The following HYCC2 variants were observed in gnomAD, a reference collection of about 807,000 sequenced individuals.
The protein encoded by HYCC2 is hyccin 2.
At chr2:200,976,452 T>A in the HYCC2 span, 28 of 152,166 alleles carry the variant, frequency 1.8e-4, no homozygotes, top group African/African-American at 6.8e-4. Context: ...ATTTTTTATT[T>A]ACAAATGAAC....
the HYCC2 span, chr2:201,022,009 C>A: frequency 1.7e-6 from 2 of 1,162,132 alleles, no homozygotes; most frequent in Non-Finnish European, 2.3e-6. Context: ...AGTGGTAGGA[C>A]AAAAATGAAG....
chr2:201,049,511 G>A, the HYCC2 span, among the ~76,000 whole-genome samples: 1 of 150,554 alleles, frequency 6.6e-6, no homozygotes. Context: ...CCACCACCCC[G>A]GTTTTTTTTT....
At chr2:201,068,243 C>T in the HYCC2 span, among the ~76,000 whole-genome samples, 3 of 151,570 alleles carry the variant, frequency 2.0e-5, no homozygotes, top group South Asian at 2.1e-4. Flanking sequence ...GCCCAGATCG[C>T]GCCACTGCAC....
chr2:201,021,745 CAG>C, the HYCC2 span: 1 of 228,840 alleles, frequency 4.4e-6, no homozygotes, highest in East Asian at 1.2e-4. Flanking sequence ...AATGTTAAGA[CAG>C]AGCAAAACAA....
At chr2:201,063,502 T>C in the HYCC2 span, 1 of 1,592,170 alleles carries the variant, frequency 6.3e-7, no homozygotes, top group African/African-American at 1.3e-5. Context: ...AAATCATGAC[T>C]GACCGAGGCA....
the HYCC2 span, among the ~76,000 whole-genome samples, chr2:201,025,352 A>C: frequency 5.9e-5 from 9 of 152,200 alleles, no homozygotes; most frequent in Non-Finnish European, 7.3e-5. Flanking sequence ...GAAATATAAT[A>C]ATAAACAAAT....
the HYCC2 span, among the ~76,000 whole-genome samples, chr2:201,045,803 A>C: frequency 6.6e-6 from 1 of 152,152 alleles, no homozygotes; most frequent in Non-Finnish European, 1.5e-5. Context: ...GAAAGTCTGA[A>C]TTTTAATTTC....
At chr2:201,063,738 G>A in the HYCC2 span, 1 of 1,585,434 alleles carries the variant, frequency 6.3e-7, no homozygotes, top group Non-Finnish European at 8.6e-7. Context: ...GACAACTTTG[G>A]TCATGGAAGA....
the HYCC2 span, chr2:200,988,454 C>T: frequency 3.9e-6 from 6 of 1,547,730 alleles, no homozygotes; most frequent in East Asian, 2.3e-5. Context: ...TACAAGTTTA[C>T]AATCAATATG....
At chr2:200,984,789 T>A in the HYCC2 span, among the ~76,000 whole-genome samples, 1 of 152,228 alleles carries the variant, frequency 6.6e-6, no homozygotes. Context: ...GAGGCAATGG[T>A]AGAAGGATCA....
the HYCC2 span, among the ~76,000 whole-genome samples, chr2:201,040,882 T>C: frequency 2.0e-5 from 3 of 152,182 alleles, no homozygotes; most frequent in African/African-American, 7.2e-5. Context: ...TTTATATTAA[T>C]ATGAAAAATA....
At chr2:201,019,869 C>T in the HYCC2 span, among the ~76,000 whole-genome samples, 2 of 151,644 alleles carry the variant, frequency 1.3e-5, no homozygotes, top group South Asian at 2.1e-4. Flanking sequence ...GTGGGAGGAT[C>T]GCTTGAGCCC....
the HYCC2 span, among the ~76,000 whole-genome samples, chr2:201,055,698 TA>T: frequency 6.6e-6 from 1 of 151,956 alleles, no homozygotes; most frequent in Admixed American, 6.6e-5. Flanking sequence ...ACCCTGTCTC[TA>T]AAAATAAAAA....
chr2:201,010,502 A>C, the HYCC2 span, among the ~76,000 whole-genome samples: 1 of 152,246 alleles, frequency 6.6e-6, no homozygotes, highest in African/African-American at 2.4e-5. Context: ...AAGTAGAAGA[A>C]GTTCAGCTCA....
the HYCC2 span, chr2:200,987,302 G>GA: frequency 8.1e-7 from 1 of 1,237,272 alleles, no homozygotes; most frequent in Non-Finnish European, 1.0e-6. Flanking sequence ...CTTGGGGATA[G>GA]AGAGCCAGGA....
chr2:201,027,508 C>CA, the HYCC2 span, among the ~76,000 whole-genome samples: 2 of 151,896 alleles, frequency 1.3e-5, no homozygotes, highest in Admixed American at 1.3e-4. Context: ...AGAGACACAA[C>CA]AAAAAAAGAG....
the HYCC2 span, among the ~76,000 whole-genome samples, chr2:201,068,195 G>C: frequency 6.6e-6 from 1 of 151,986 alleles, no homozygotes; most frequent in Non-Finnish European, 1.5e-5. Context: ...GCTGGGGCAG[G>C]AAAATGGCTT....
At chr2:201,017,317 T>C in the HYCC2 span, 1 of 636,924 alleles carries the variant, frequency 1.6e-6, no homozygotes, top group East Asian at 2.8e-5. Context: ...AAAACCTTTG[T>C]GTAAAGAGAC....
At chr2:201,041,149 T>C in the HYCC2 span, among the ~76,000 whole-genome samples, 1 of 152,236 alleles carries the variant, frequency 6.6e-6, no homozygotes, top group Non-Finnish European at 1.5e-5. Flanking sequence ...ATAAGCATTA[T>C]ATAATCTCCA....
Sources: gnomAD v4.1 joint callset for allele counts (sites outside exome capture counted in the v4.1 genomes callset) on GRCh38, gnomAD v4.1.1 for gene constraint, MANE v1.5 for transcripts, NCBI Gene and HGNC (gene_info 2026-07-23, HGNC 2026-07-21) for gene names.